The following LRP8 variants were observed in gnomAD, a reference collection of about 807,000 sequenced individuals.
LRP8 encodes low-density lipoprotein receptor-related protein 8.
Under a neutral mutation model 111.6 loss-of-function variants are expected in LRP8, and 46 were observed. That is an observed-to-expected ratio of 0.41 (90% CI 0.33 to 0.53). The LOEUF is 0.53. LRP8 is among the 20% of genes least tolerant of loss of function. The pLI is 0.20. For synonymous variants in LRP8, 464 were observed against 511.2 expected (o/e 0.91, Z 1.24); for missense variants, 959 against 1,297.4 (o/e 0.74, Z 4.01).
intron 2 of LRP8, among the ~76,000 whole-genome samples, chr1:53,292,489 C>G (rs1033663507): frequency 2.0e-5 from 3 of 152,184 alleles, no homozygotes; most frequent in Admixed American, 6.5e-5. Context: ...GCGAATACCA[C>G]CTATTGGTAA....
chr1:53,271,595 C>A (rs1646762079), intron 6 of LRP8, among the ~76,000 whole-genome samples: 1 of 152,046 alleles, frequency 6.6e-6, no homozygotes, highest in Non-Finnish European at 1.5e-5. Flanking sequence ...GAACTTAGGT[C>A]CCCGGCCTCC....
At chr1:53,308,303 C>CA (rs1652366673) in intron 2 of LRP8, among the ~76,000 whole-genome samples, 1 of 152,230 alleles carries the variant, frequency 6.6e-6, no homozygotes, top group Non-Finnish European at 1.5e-5. Flanking sequence ...GTGCTCACCG[C>CA]ATCTCCAGGC....
chr1:53,263,196 A>C (rs1375120305), intron 10 of LRP8, among the ~76,000 whole-genome samples: 3 of 152,188 alleles, frequency 2.0e-5, no homozygotes, highest in Non-Finnish European at 4.4e-5. Context: ...CTGCATGAGA[A>C]CAGACAGAGA....
In LRP8 at chr1:53,242,614, A is replaced by G. The variant is rs1645662251; in HGVS notation, c.*4404T>C. ...GTGACACAACATTCTAACATGCCTG[A>G]TTCTTACATCAAATATGGTAACTTT... On this transcript the variant is annotated 3_prime_UTR_variant, in exon 19 of 19. Coordinates refer to ENST00000306052, the MANE Select transcript of LRP8 (RefSeq NM_004631.5). 1 of 152,194 alleles carries G rather than the reference A, an allele frequency of 6.6e-6. No homozygotes were observed. The highest frequency in any genetic ancestry group is 1.5e-5 in the Non-Finnish European group (1 of 68,044). 9.4% of individuals were successfully genotyped at this position (152,194 alleles called of 1,614,324 possible).
chr1:53,272,483 C>T, intron 6 of LRP8: 1 of 958,338 alleles, frequency 1.0e-6, no homozygotes, highest in South Asian at 1.5e-5. Flanking sequence ...CCAAGCAGTG[C>T]TGAGCTGAGC....
intron 8 of LRP8, among the ~76,000 whole-genome samples, chr1:53,270,460 G>A (rs939285634): frequency 6.6e-6 from 1 of 152,154 alleles, no homozygotes; most frequent in Non-Finnish European, 1.5e-5. Context: ...TGGTGGTAAC[G>A]AGTGATGGCA....
Position 53,262,254 on chromosome 1 carries a change from G to A in LRP8, c.1775-47C>T. 1 of 1,609,262 alleles carries A rather than the reference G, an allele frequency of 6.2e-7. No individual in the cohort carries two copies. The highest frequency in any genetic ancestry group is 8.5e-7 in the Non-Finnish European group (1 of 1,178,112). On this transcript the variant is annotated intron_variant, in intron 11 of 18. Coordinates refer to ENST00000306052, the MANE Select transcript of LRP8 (RefSeq NM_004631.5). The surrounding 1 kb of genome is among the most constrained non-coding windows in gnomAD (Gnocchi z 4.8). Reference sequence around the variant, plus strand: ...GGTCATGAACCTGGGACCCCAGTCTGGAGCTCTGTTCCTTTGTACCTCTCC... The same window carrying A: ...GGTCATGAACCTGGGACCCCAGTCTAGAGCTCTGTTCCTTTGTACCTCTCC...
At chr1:53,276,238 G>A (rs1181869163) in intron 5 of LRP8, among the ~76,000 whole-genome samples, 1 of 152,062 alleles carries the variant, frequency 6.6e-6, no homozygotes, top group African/African-American at 2.4e-5. Flanking sequence ...ATGCTCAGAT[G>A]GGGACATCAG....
intron 4 of LRP8, 94 bp from the exon 5 acceptor site, chr1:53,277,172 C>G: frequency 7.5e-7 from 1 of 1,341,040 alleles, no homozygotes; most frequent in Non-Finnish European, 9.5e-7. Context: ...GACCCTCACC[C>G]GGGGGCCAGA....
chr1:53,304,993 A>T (rs1651676769), intron 2 of LRP8: 1 of 152,266 alleles, frequency 6.6e-6, no homozygotes, highest in East Asian at 1.9e-4. Flanking sequence ...AGGTCCCACT[A>T]CAGCTTGAAG....
chr1:53,319,213 G>A (rs1326109417), intron 2 of LRP8, among the ~76,000 whole-genome samples: 3 of 152,162 alleles, frequency 2.0e-5, no homozygotes, highest in Admixed American at 1.3e-4. Context: ...CAAGGATTAC[G>A]GCAGGTTGAG....
At chr1:53,310,555 A>G (rs1652800910) in intron 2 of LRP8, among the ~76,000 whole-genome samples, 1 of 151,978 alleles carries the variant, frequency 6.6e-6, no homozygotes, top group Non-Finnish European at 1.5e-5. Flanking sequence ...TGCAGTGGAG[A>G]CCCAGCCGTG....
intron 2 of LRP8, among the ~76,000 whole-genome samples, chr1:53,319,610 C>T (rs1654235465): frequency 6.6e-6 from 1 of 152,210 alleles, no homozygotes; most frequent in Admixed American, 6.5e-5. Context: ...AGAGCGGGTA[C>T]AGTCAGTGAG....
intron 6 of LRP8, among the ~76,000 whole-genome samples, chr1:53,271,698 GC>G (rs892721035): frequency 6.6e-6 from 1 of 152,108 alleles, no homozygotes; most frequent in Non-Finnish European, 1.5e-5. Flanking sequence ...TTCTCACAGC[GC>G]CTCCTTCCTC....
At position 53,327,913 on chromosome 1, in the gene LRP8, G is replaced by A; in HGVS notation, c.-1C>T. ...GAGGGCCCGGCTCGGGGAGGCCCAT[G>A]GCGGGCCCGGGGCTCCGGCCGCCGC... is the stretch of plus-strand genomic sequence containing the variant. On this transcript the variant is annotated 5_prime_UTR_variant, in exon 1 of 19. Transcript: ENST00000306052. 3 of 1,298,770 alleles carry A rather than the reference G, an allele frequency of 2.3e-6. No homozygotes were observed. The highest frequency in any genetic ancestry group is 2.9e-4 in the Middle Eastern group (1 of 3,432). 80.5% of individuals were successfully genotyped at this position (1,298,770 alleles called of 1,614,324 possible).
chr1:53,313,765 G>A (rs1653413400), intron 2 of LRP8, among the ~76,000 whole-genome samples: 1 of 152,212 alleles, frequency 6.6e-6, no homozygotes, highest in Non-Finnish European at 1.5e-5. Context: ...ACAGGTACAT[G>A]TCTGGTCTTG....
Sources: gnomAD v4.1 joint callset for allele counts (sites outside exome capture counted in the v4.1 genomes callset) on GRCh38, gnomAD v4.1.1 for gene constraint, Gnocchi (gnomAD v3.1) non-coding constraint, MANE v1.5 for transcripts, NCBI Gene and HGNC (gene_info 2026-07-23, HGNC 2026-07-21) for gene names.